Variants in CACNB4 observed in about 807,000 individuals in gnomAD.
The protein encoded by CACNB4 is calcium voltage-gated channel auxiliary subunit beta 4.
Under a neutral mutation model 71.2 loss-of-function variants are expected in CACNB4, and 32 were observed. The observed-to-expected ratio is 0.45, with a 90% CI of 0.34 to 0.60. The LOEUF (loss-of-function observed/expected upper bound fraction) is 0.60, where lower values mean the gene tolerates loss of function less well. CACNB4 is among the 20% of genes least tolerant of loss of function. The probability of loss-of-function intolerance (pLI) is 0.01; values close to 1 mark genes in which losing one functional copy is unlikely to be tolerated. For missense variants in CACNB4, 464 were observed against 647.9 expected (o/e 0.72, Z 3.08); for synonymous variants, 231 against 236.9 (o/e 0.97, Z 0.23).
chr2:152,089,730 G>C (rs1463436405), intron 2 of CACNB4, among the ~76,000 whole-genome samples: 1 of 151,796 alleles, frequency 6.6e-6, no homozygotes, highest in East Asian at 1.9e-4. Context: ...CCAGCAGTTT[G>C]AGACCAGCCT....
At chr2:151,869,572 C>T (rs187794527) in intron 8 of CACNB4, 15 of 204,924 alleles carry the variant, frequency 7.3e-5, no homozygotes. Flanking sequence ...GTATCCTTGG[C>T]ACGCCTGAGT....
At chr2:151,945,347 G>T (rs116105342) in intron 2 of CACNB4, among the ~76,000 whole-genome samples, 58 of 152,276 alleles carry the variant, frequency 3.8e-4, no homozygotes, top group African/African-American at 1.3e-3. Context: ...TTGCCCAGGG[G>T]TGTCTCTATT....
chr2:151,876,741 T>TTTTATATAAACTATA (rs1156838785), intron 4 of CACNB4, among the ~76,000 whole-genome samples, 185 bp from the exon 5 acceptor site: 1 of 142,460 alleles, frequency 7.0e-6, no homozygotes, highest in South Asian at 2.1e-4. Context: ...ATAGACTATA[T>TTTTATATAAACTATA]TTTATATGTA....
At chr2:151,862,122 CAGTT>C in intron 9 of CACNB4, among the ~76,000 whole-genome samples, 1 of 152,126 alleles carries the variant, frequency 6.6e-6, no homozygotes, top group South Asian at 2.1e-4. Flanking sequence ...CTTTTATACT[CAGTT>C]AGTACACCCA....
chr2:151,939,326 T>C (rs2099863695), intron 2 of CACNB4, among the ~76,000 whole-genome samples: 1 of 152,142 alleles, frequency 6.6e-6, no homozygotes, highest in Non-Finnish European at 1.5e-5. Context: ...AAAGCGCCCT[T>C]GAAAATCAAC....
intron 2 of CACNB4, among the ~76,000 whole-genome samples, chr2:152,094,817 C>A: frequency 6.6e-6 from 1 of 152,170 alleles, no homozygotes; most frequent in East Asian, 1.9e-4. Flanking sequence ...ACTAGATAAT[C>A]CATTCATAAA....
chr2:152,022,939 G>T (rs1293739557), intron 2 of CACNB4, among the ~76,000 whole-genome samples: 1 of 152,160 alleles, frequency 6.6e-6, no homozygotes, highest in East Asian at 1.9e-4. Flanking sequence ...GAACATATTA[G>T]TCTGTTTTCA....
intron 2 of CACNB4, among the ~76,000 whole-genome samples, chr2:151,906,040 A>G (rs1423382124): frequency 3.9e-5 from 6 of 152,200 alleles, no homozygotes; most frequent in South Asian, 2.1e-4. Flanking sequence ...ACATGAGCAC[A>G]TGCATGCACA....
Position 151,954,443 on chromosome 2 carries a change from C to T in CACNB4, c.148-71073G>A, listed in dbSNP as rs141776629. Among the ~76,000 whole-genome samples, 64 of 152,270 alleles carry T rather than the reference C, an allele frequency of 4.2e-4. No homozygotes were observed. In the East Asian group the frequency reaches 9.8e-3, roughly 23 times the overall value. On this transcript the variant is annotated intron_variant, in intron 2 of 13. Transcript: ENST00000539935. ...AGATTTTATAGAGAAATTTTCATTG[C>T]CAAGAGTGAGAAAAACTAAAATATC... is the stretch of plus-strand genomic sequence containing the variant.
intron 12 of CACNB4, among the ~76,000 whole-genome samples, chr2:151,846,819 T>A (rs1239716300): frequency 6.6e-6 from 1 of 152,170 alleles, no homozygotes; most frequent in African/African-American, 2.4e-5. Flanking sequence ...CCTCCCAAAG[T>A]GCTGGGATTA....
At chr2:151,945,935 G>C (rs890443128) in intron 2 of CACNB4, among the ~76,000 whole-genome samples, 7 of 150,606 alleles carry the variant, frequency 4.6e-5, no homozygotes, top group African/African-American at 1.7e-4. Flanking sequence ...ATACAAAGAA[G>C]TTAGAACAGC....
At chr2:151,928,971 C>G (rs2099860960) in intron 2 of CACNB4, among the ~76,000 whole-genome samples, 1 of 151,726 alleles carries the variant, frequency 6.6e-6, no homozygotes, top group African/African-American at 2.4e-5. Context: ...TGTCTGAACT[C>G]AACAAATAGT....
At chr2:152,019,163 A>AT (rs1376857360) in intron 2 of CACNB4, among the ~76,000 whole-genome samples, 61 of 152,236 alleles carry the variant, frequency 4.0e-4, no homozygotes, top group Non-Finnish European at 1.5e-5. Flanking sequence ...ACCTGAGAGT[A>AT]TTTTTGACTT....
intron 2 of CACNB4, among the ~76,000 whole-genome samples, chr2:152,020,194 G>A (rs755607556): frequency 1.3e-5 from 2 of 152,202 alleles, no homozygotes; most frequent in Non-Finnish European, 2.9e-5. Flanking sequence ...CAACAGCATC[G>A]ATTTGAGATG....
chr2:152,009,642 C>T (rs2105056316), intron 2 of CACNB4, among the ~76,000 whole-genome samples: 1 of 152,312 alleles, frequency 6.6e-6, no homozygotes, highest in Non-Finnish European at 1.5e-5. Flanking sequence ...AGATGACCCT[C>T]AGCAGCAAAC....
At chr2:152,068,913 A>AC (rs944121866) in intron 2 of CACNB4, among the ~76,000 whole-genome samples, 1 of 152,078 alleles carries the variant, frequency 6.6e-6, no homozygotes, top group Non-Finnish European at 1.5e-5. Context: ...TCTAGGCCCT[A>AC]CCCCTCTAGC....
intron 2 of CACNB4, among the ~76,000 whole-genome samples, chr2:151,928,107 G>A (rs1432572135): frequency 6.6e-6 from 1 of 152,178 alleles, no homozygotes; most frequent in Non-Finnish European, 1.5e-5. Flanking sequence ...CGGCTGCTCA[G>A]GGCATGGCAG....
chr2:151,990,200 G>A (rs1579083045), intron 2 of CACNB4, among the ~76,000 whole-genome samples: 1 of 152,172 alleles, frequency 6.6e-6, no homozygotes, highest in Non-Finnish European at 1.5e-5. Flanking sequence ...CTTCTGGTGT[G>A]CCCAGCCTCA....
chr2:151,864,251 G>C (rs895829964), intron 9 of CACNB4, among the ~76,000 whole-genome samples: 1 of 152,154 alleles, frequency 6.6e-6, no homozygotes, highest in Non-Finnish European at 1.5e-5. Context: ...TAGTTCCCCA[G>C]CAGACTGGAT....
Sources: allele counts gnomAD v4.1 joint callset (sites outside exome capture counted in the v4.1 genomes callset), GRCh38; gene constraint gnomAD v4.1.1; transcripts MANE v1.5; gene names NCBI Gene and HGNC (gene_info 2026-07-23, HGNC 2026-07-21).